PARD3B: variants seen among roughly 807,000 people sequenced by gnomAD.
PARD3B encodes partitioning defective 3 homolog B.
Under a neutral mutation model 130.2 loss-of-function variants are expected in PARD3B, and 103 were observed. The ratio of observed to expected loss-of-function variants is 0.79; its 90% CI spans 0.67 to 0.93. The LOEUF (loss-of-function observed/expected upper bound fraction) is 0.93, where lower values mean the gene tolerates loss of function less well. Ranked by LOEUF, PARD3B falls within the 40% of genes least tolerant of loss-of-function variation. PARD3B has a pLI of 0.00. For synonymous variants in PARD3B, 583 were observed against 553.2 expected (o/e 1.05, Z -0.76); for missense variants, 1,609 against 1,499.2 (o/e 1.07, Z -1.21).
Position 204,938,407 on chromosome 2 carries a change from C to T in PARD3B, c.223-26745C>T, listed in dbSNP as rs138456776. 1.1e-3 allele frequency among the ~76,000 whole-genome samples: 164 copies of T among 152,298 alleles called. 1 individual carries two copies. The highest frequency in any genetic ancestry group is 3.4e-3 in the African/African-American group (142 of 41,558). ...TGTTCCCTCTGCGTGGAATTCCACC[C>T]GTAGGGTTCTTCCACTTTTCTGACT... On this transcript the variant is annotated intron_variant, in intron 2 of 22. Coordinates refer to ENST00000406610, the MANE Select transcript of PARD3B (RefSeq NM_001302769.2).
At chr2:205,410,052 A>G (rs973753954) in intron 19 of PARD3B, among the ~76,000 whole-genome samples, 13 of 152,194 alleles carry the variant, frequency 8.5e-5, no homozygotes, top group African/African-American at 2.9e-4. Flanking sequence ...TCAGAGATAC[A>G]GGTTGAATAT....
Position 205,300,175 on chromosome 2 carries a change from T to G in PARD3B, c.2186-355T>G, listed in dbSNP as rs2041944348. Among the ~76,000 whole-genome samples the G allele has an allele frequency of 6.6e-6, 1 of 152,220 alleles. No homozygotes were observed. Among genetic ancestry groups the G allele is most frequent in the African/African-American group, 2.4e-5 (1 of 41,464 alleles). On this transcript the variant is annotated intron_variant, in intron 16 of 22. Transcript: ENST00000406610. This position sits in a 1 kb window ranked among gnomAD's most constrained non-coding sequence, Gnocchi z 4.1. ...GTGTATGTGGGTATTCTCACATATG[T>G]GAAATCACTCTCATTCACATACATA...
At chr2:204,663,865 T>C (rs1282673314) in intron 1 of PARD3B, among the ~76,000 whole-genome samples, 1 of 152,230 alleles carries the variant, frequency 6.6e-6, no homozygotes, top group Admixed American at 6.5e-5. Flanking sequence ...TGCATTATTA[T>C]AGTGTGAATT....
At chr2:205,330,412 C>T (rs1341467653) in intron 18 of PARD3B, among the ~76,000 whole-genome samples, 2 of 152,112 alleles carry the variant, frequency 1.3e-5, no homozygotes, top group Non-Finnish European at 2.9e-5. Flanking sequence ...CTCTTGCTAG[C>T]CTTGGCTTGC....
intron 1 of PARD3B, among the ~76,000 whole-genome samples, chr2:204,605,426 G>T (rs2033676392): frequency 6.6e-6 from 1 of 152,128 alleles, no homozygotes; most frequent in Non-Finnish European, 1.5e-5. Context: ...TTTCTAAAAG[G>T]TATATCCTTC....
At chr2:204,816,511 G>C (rs912358381) in intron 2 of PARD3B, among the ~76,000 whole-genome samples, 4 of 151,718 alleles carry the variant, frequency 2.6e-5, no homozygotes, top group Non-Finnish European at 5.9e-5. Flanking sequence ...TTTTGGGTTG[G>C]ATATAGAATT....
intron 18 of PARD3B, among the ~76,000 whole-genome samples, chr2:205,353,860 G>A (rs910947149): frequency 1.3e-5 from 2 of 151,986 alleles, no homozygotes; most frequent in African/African-American, 4.8e-5. Flanking sequence ...AGTTTCCAAA[G>A]CATTTTAATA....
At chr2:205,177,868 A>C (rs2035557394) in intron 13 of PARD3B, among the ~76,000 whole-genome samples, 2 of 152,094 alleles carry the variant, frequency 1.3e-5, no homozygotes, top group Non-Finnish European at 2.9e-5. Context: ...TTTACTCACA[A>C]ATGCATATTT....
chr2:204,560,694 G>C (rs143472673), intron 1 of PARD3B, among the ~76,000 whole-genome samples: 2 of 152,260 alleles, frequency 1.3e-5, no homozygotes, highest in Non-Finnish European at 2.9e-5. Flanking sequence ...ACAGTTGTGG[G>C]ACGGGTAGTA....
intron 1 of PARD3B, among the ~76,000 whole-genome samples, chr2:204,594,438 G>A (rs59113157): frequency 0.027 from 4,109 of 152,262 alleles, 192 homozygotes; most frequent in African/African-American, 0.091. Context: ...GTGATTATGC[G>A]TGGAGAACTT....
chr2:204,762,186 A>G (rs1289568279), intron 2 of PARD3B, among the ~76,000 whole-genome samples: 1 of 145,812 alleles, frequency 6.9e-6, no homozygotes, highest in African/African-American at 2.6e-5. Flanking sequence ...CAGTGGCACA[A>G]TCTCGGCTGA....
intron 4 of PARD3B, among the ~76,000 whole-genome samples, chr2:205,085,556 A>G (rs1042370820): frequency 6.6e-6 from 1 of 152,034 alleles, no homozygotes; most frequent in African/African-American, 2.4e-5. Flanking sequence ...ATTATAAATT[A>G]TCCATGATAT....
At chr2:205,386,542 C>T (rs919791148) in intron 18 of PARD3B, among the ~76,000 whole-genome samples, 2 of 151,740 alleles carry the variant, frequency 1.3e-5, no homozygotes, top group Admixed American at 6.6e-5. Flanking sequence ...GGTTGGTTGG[C>T]ATTTTATATT....
intron 1 of PARD3B, among the ~76,000 whole-genome samples, chr2:204,652,981 C>A (rs960131944): frequency 6.6e-6 from 1 of 151,004 alleles, no homozygotes; most frequent in East Asian, 1.9e-4. Flanking sequence ...TATTCAATCA[C>A]CTCCCACCAG....
At chr2:205,415,509 G>A (rs548529706) in intron 19 of PARD3B, among the ~76,000 whole-genome samples, 13 of 152,134 alleles carry the variant, frequency 8.5e-5, no homozygotes, top group Non-Finnish European at 1.8e-4. Context: ...AATATTCAAT[G>A]TCTCAAGTGT....
rs1008123838 is a variant in PARD3B, at chr2:205,289,355, T to C, written c.2186-11175T>C. Among the ~76,000 whole-genome samples the C allele has an allele frequency of 4.6e-5, 7 of 152,236 alleles. No individual in the cohort carries two copies. The East Asian group carries it at 7.7e-4, about 17-fold the overall frequency. Reference sequence around the variant, plus strand: ...ATCCTCCTAATGGGTGTAAATTTTGTTCACCAAAAAAAAAATATGATGCTA... The same window carrying C: ...ATCCTCCTAATGGGTGTAAATTTTGCTCACCAAAAAAAAAATATGATGCTA... On this transcript the variant is annotated intron_variant, in intron 16 of 22. Coordinates refer to ENST00000406610, the MANE Select transcript of PARD3B (RefSeq NM_001302769.2).
In PARD3B at chr2:205,452,891, G is replaced by T. The variant is rs537525472; in HGVS notation, c.3044+12219G>T. The stretch of plus-strand genomic sequence containing the variant: ...TCAACCACTGGGGGTAAATGGGCAT[G>T]TTTGAGGAATGTTTGCCAAAGGGTT... On this transcript the variant is annotated intron_variant, in intron 20 of 22. Coordinates refer to ENST00000406610, the MANE Select transcript of PARD3B (RefSeq NM_001302769.2). 4.6e-5 allele frequency among the ~76,000 whole-genome samples: 7 copies of T among 152,284 alleles called. No homozygotes were observed. The East Asian group carries it at 1.4e-3, about 29-fold the overall frequency.
intron 18 of PARD3B, among the ~76,000 whole-genome samples, chr2:205,327,502 T>G (rs1395862240): frequency 6.6e-6 from 1 of 152,232 alleles, no homozygotes; most frequent in Non-Finnish European, 1.5e-5. Context: ...GCCACTGTTA[T>G]TATACACATT....
chr2:204,959,840 G>C (rs898457081), intron 2 of PARD3B, among the ~76,000 whole-genome samples: 1 of 152,108 alleles, frequency 6.6e-6, no homozygotes. Flanking sequence ...GTCAGCCCTG[G>C]CAATTAATAT....
Sources: gnomAD v4.1 joint callset for allele counts (sites outside exome capture counted in the v4.1 genomes callset) on GRCh38, gnomAD v4.1.1 for gene constraint, Gnocchi (gnomAD v3.1) non-coding constraint, MANE v1.5 for transcripts, NCBI Gene and HGNC (gene_info 2026-07-23, HGNC 2026-07-21) for gene names.